The following PRR16 variants were observed in gnomAD, a reference collection of about 807,000 sequenced individuals.
PRR16 encodes proline rich 16.
PRR16 carries 6 observed loss-of-function variants against 18.2 expected under a neutral mutation model. The observed-to-expected ratio is 0.33, with a 90% CI of 0.18 to 0.65. PRR16 has a LOEUF of 0.65. PRR16 is among the 30% of genes least tolerant of loss of function. The pLI is 0.74. For synonymous variants in PRR16, 151 were observed against 147.8 expected (o/e 1.02, Z -0.16); for missense variants, 412 against 376.6 (o/e 1.09, Z -0.78).
chr5:120,721,032 C>CTGAT, the PRR16 span, among the ~76,000 whole-genome samples: 2 of 151,940 alleles, frequency 1.3e-5, no homozygotes, highest in African/African-American at 4.8e-5. Flanking sequence ...TATTGATGAC[C>CTGAT]ATCATCATAT....
At chr5:120,682,916 A>G (rs1296082083) in intron 1 of PRR16, among the ~76,000 whole-genome samples, 2 of 152,162 alleles carry the variant, frequency 1.3e-5, no homozygotes, top group Non-Finnish European at 2.9e-5. Flanking sequence ...CTGAGCCCCT[A>G]ATTAGTACCG....
intron 1 of PRR16, among the ~76,000 whole-genome samples, chr5:120,513,254 G>C (rs1303778960): frequency 2.6e-5 from 4 of 152,080 alleles, no homozygotes; most frequent in Admixed American, 2.6e-4. Flanking sequence ...TTCTACTAGG[G>C]GACTGGTACT....
chr5:120,499,766 C>T (rs1750385677), intron 1 of PRR16, among the ~76,000 whole-genome samples: 1 of 145,516 alleles, frequency 6.9e-6, no homozygotes, highest in Non-Finnish European at 1.5e-5. Context: ...TACTGATTAT[C>T]TTTTTTTTTT....
intron 1 of PRR16, among the ~76,000 whole-genome samples, chr5:120,670,471 A>AAGTTACAT (rs1580860951): frequency 6.6e-6 from 1 of 152,124 alleles, no homozygotes; most frequent in East Asian, 1.9e-4. Context: ...TTATTTTTAT[A>AAGTTACAT]AAATATCTCT....
intron 1 of PRR16, among the ~76,000 whole-genome samples, chr5:120,610,598 A>G (rs891476242): frequency 5.9e-5 from 9 of 152,032 alleles, no homozygotes; most frequent in Non-Finnish European, 1.0e-4. Flanking sequence ...GAGATCTAAT[A>G]GGTTTATCAG....
chr5:120,542,205 T>G (rs574363379), intron 1 of PRR16, among the ~76,000 whole-genome samples: 1 of 152,304 alleles, frequency 6.6e-6, no homozygotes, highest in South Asian at 2.1e-4. Flanking sequence ...TGGTGATACT[T>G]ATGCTGGAGT....
intron 1 of PRR16, among the ~76,000 whole-genome samples, chr5:120,525,449 G>T (rs1751316364): frequency 6.6e-6 from 1 of 151,824 alleles, no homozygotes; most frequent in Admixed American, 6.6e-5. Flanking sequence ...AAGAATGTGT[G>T]CAAGCCATTT....
chr5:120,696,427 C>T, the PRR16 span, among the ~76,000 whole-genome samples: 1 of 152,108 alleles, frequency 6.6e-6, no homozygotes, highest in Non-Finnish European at 1.5e-5. Context: ...TAACAAGAAA[C>T]ATATAGTTTC....
chr5:120,745,691 T>C, the PRR16 span, among the ~76,000 whole-genome samples: 1 of 151,208 alleles, frequency 6.6e-6, no homozygotes, highest in Non-Finnish European at 1.5e-5. Flanking sequence ...TTTTATTATT[T>C]ATTTATTTAT....
intron 1 of PRR16, among the ~76,000 whole-genome samples, chr5:120,504,863 A>T (rs567506544): frequency 9.9e-5 from 15 of 152,166 alleles, no homozygotes; most frequent in African/African-American, 3.1e-4. Flanking sequence ...AAATCCCCCA[A>T]GGCCCATAGT....
intron 1 of PRR16, among the ~76,000 whole-genome samples, chr5:120,639,009 G>T (rs573033126): frequency 6.6e-6 from 1 of 152,088 alleles, no homozygotes; most frequent in East Asian, 1.9e-4. Context: ...CTCTGATTTT[G>T]TAACTATTGG....
the PRR16 span, among the ~76,000 whole-genome samples, chr5:120,743,710 G>A: frequency 1.3e-5 from 2 of 151,952 alleles, no homozygotes; most frequent in East Asian, 1.9e-4. Flanking sequence ...TTTTTCTTCT[G>A]TCTCTGAAAG....
At chr5:120,520,947 A>G (rs1216508575) in intron 1 of PRR16, among the ~76,000 whole-genome samples, 2 of 151,976 alleles carry the variant, frequency 1.3e-5, no homozygotes, top group East Asian at 3.9e-4. Flanking sequence ...CCCCCATTAG[A>G]TGGAAATTTG....
At chr5:120,768,825 C>T in the PRR16 span, among the ~76,000 whole-genome samples, 96 of 151,748 alleles carry the variant, frequency 6.3e-4, 2 homozygotes, top group East Asian at 0.015. Context: ...TTCCTTTCCC[C>T]GCTTAGACAT....
At chr5:120,608,937 C>A (rs1754244035) in intron 1 of PRR16, among the ~76,000 whole-genome samples, 1 of 151,932 alleles carries the variant, frequency 6.6e-6, no homozygotes, top group Non-Finnish European at 1.5e-5. Flanking sequence ...GAAAGGTGTC[C>A]CAAAGAGGGT....
At chr5:120,711,746 T>C in the PRR16 span, among the ~76,000 whole-genome samples, 1 of 152,106 alleles carries the variant, frequency 6.6e-6, no homozygotes, top group African/African-American at 2.4e-5. Flanking sequence ...GTCCATGAGA[T>C]AGTCTATGAT....
chr5:120,775,541 C>T, the PRR16 span, among the ~76,000 whole-genome samples: 6 of 151,966 alleles, frequency 3.9e-5, no homozygotes, highest in African/African-American at 7.2e-5. Flanking sequence ...CCTGCTATTC[C>T]TGATTCTGTT....
chr5:120,628,935 T>C (rs997959735), intron 1 of PRR16, among the ~76,000 whole-genome samples: 1 of 152,026 alleles, frequency 6.6e-6, no homozygotes, highest in African/African-American at 2.4e-5. Flanking sequence ...ATTATACAGG[T>C]AAATTGTGTG....
chr5:120,490,110 G>A (rs1438699684), intron 1 of PRR16, among the ~76,000 whole-genome samples: 1 of 152,094 alleles, frequency 6.6e-6, no homozygotes, highest in East Asian at 1.9e-4. Flanking sequence ...CAACTTTGGT[G>A]AGTCTGACAA....
Sources: allele counts gnomAD v4.1 joint callset (sites outside exome capture counted in the v4.1 genomes callset), GRCh38; gene constraint gnomAD v4.1.1; transcripts MANE v1.5; gene names NCBI Gene and HGNC (gene_info 2026-07-23, HGNC 2026-07-21).